The following INTS7 variants were observed in gnomAD, a reference collection of about 807,000 sequenced individuals.
The protein encoded by INTS7 is integrator complex subunit 7, also known as chromosome 1 open reading frame 73.
In INTS7, 46 loss-of-function variants were observed where a neutral mutation model predicts 109.2. The ratio of observed to expected loss-of-function variants is 0.42; its 90% CI spans 0.33 to 0.54. The LOEUF (loss-of-function observed/expected upper bound fraction) is 0.54, where lower values mean the gene tolerates loss of function less well. INTS7 is among the 20% of genes least tolerant of loss of function. The pLI, the probability that INTS7 is intolerant of heterozygous loss-of-function variation, is 0.07. For synonymous variants in INTS7, 412 were observed against 402.9 expected (o/e 1.02, Z -0.27); for missense variants, 929 against 1,132.4 (o/e 0.82, Z 2.58).
chr1:211,973,095 C>T (rs763928871), intron 13 of INTS7, among the ~76,000 whole-genome samples: 12 of 152,144 alleles, frequency 7.9e-5, no homozygotes, highest in Non-Finnish European at 1.5e-4. Context: ...GGACCACAGG[C>T]GCATGCCACC....
intron 7 of INTS7, 94 bp downstream of exon 7, chr1:212,006,542 TAGA>T (rs1296265481): frequency 7.9e-6 from 4 of 508,900 alleles, no homozygotes; most frequent in African/African-American, 2.0e-5. Flanking sequence ...TTCAACCACT[TAGA>T]AGATGACAAA....
chr1:212,027,327 A>C (rs577208913), intron 1 of INTS7, among the ~76,000 whole-genome samples: 6 of 152,328 alleles, frequency 3.9e-5, no homozygotes, highest in African/African-American at 1.4e-4. Context: ...GAGGGGCTAG[A>C]CATTTTATTT....
At chr1:211,965,645 G>A (rs574127431) in intron 16 of INTS7, among the ~76,000 whole-genome samples, 2 of 152,320 alleles carry the variant, frequency 1.3e-5, no homozygotes, top group South Asian at 2.1e-4. Context: ...TCCTTGGCAG[G>A]AAGATGGATG....
At chr1:211,957,943 T>C (rs894730766) in intron 16 of INTS7, among the ~76,000 whole-genome samples, 9 of 152,142 alleles carry the variant, frequency 5.9e-5, no homozygotes, top group Admixed American at 2.6e-4. Context: ...TCAAATGATA[T>C]ACTACTAAAT....
At chr1:211,985,376 A>G (rs914090907) in intron 8 of INTS7, among the ~76,000 whole-genome samples, 1 of 152,190 alleles carries the variant, frequency 6.6e-6, no homozygotes, top group Non-Finnish European at 1.5e-5. Flanking sequence ...TTGAAAAAAC[A>G]TAATAAACGG....
At chr1:212,016,119 G>A (rs1666430562) in intron 4 of INTS7, among the ~76,000 whole-genome samples, 1 of 152,066 alleles carries the variant, frequency 6.6e-6, no homozygotes, top group Non-Finnish European at 1.5e-5. Flanking sequence ...AGAAATTTAG[G>A]TTGCTTCTCA....
At chr1:211,978,127 GCA>G in intron 11 of INTS7, 143 bp downstream of exon 11, 1 of 926,576 alleles carries the variant, frequency 1.1e-6, no homozygotes, top group East Asian at 2.4e-5. Context: ...TTTGACATCA[GCA>G]CACTCTTTGG....
At chr1:211,969,260 G>C (rs1443152305) in intron 13 of INTS7, among the ~76,000 whole-genome samples, 2 of 151,378 alleles carry the variant, frequency 1.3e-5, no homozygotes, top group Non-Finnish European at 2.9e-5. Context: ...ACTCCAGCCT[G>C]GGCGATAGAA....
chr1:212,021,277 A>G, intron 1 of INTS7, 65 bp from the exon 2 acceptor site: 1 of 1,376,426 alleles, frequency 7.3e-7, no homozygotes, highest in Non-Finnish European at 1.0e-6. Flanking sequence ...CAAAGCAAAA[A>G]TAGCAAATAT....
chr1:212,010,591 A>T (rs1374561134), intron 5 of INTS7, among the ~76,000 whole-genome samples: 2 of 152,128 alleles, frequency 1.3e-5, no homozygotes, highest in Non-Finnish European at 2.9e-5. Context: ...CACATGACAG[A>T]CGGTGGTCCC....
Position 211,968,563 on chromosome 1 carries a change from C to A in INTS7, c.1960G>T (p.Ala654Ser). The A allele has an allele frequency of 1.2e-6, 2 of 1,614,076 alleles. No individual in the cohort carries two copies. The highest frequency in any genetic ancestry group is 1.7e-6 in the Non-Finnish European group (2 of 1,180,012). ...TGGAGGTCATTTCCTAAGGTCATGG[C>A]AATTGTTGTGGCAATTGCAGGTGGT... Reference protein sequence around the residue: ...SPPPAIATTIAMTLGNDLQRC... With the variant: ...SPPPAIATTISMTLGNDLQRC... The change falls in exon 14 of 20, where the codon GCC (alanine) becomes TCC (serine). Residue 654 changes from alanine (A) to serine (S), a missense_variant. Ala to Ser is a moderately conservative substitution (Grantham distance 99). Transcript: ENST00000366994.
chr1:211,999,151 G>T (rs540350611), intron 7 of INTS7, among the ~76,000 whole-genome samples: 2 of 152,202 alleles, frequency 1.3e-5, no homozygotes, highest in Non-Finnish European at 2.9e-5. Flanking sequence ...TTAACCAAGA[G>T]ATGTCACACA....
intron 5 of INTS7, 114 bp downstream of exon 5, chr1:212,011,261 A>T: frequency 1.6e-6 from 1 of 624,102 alleles, no homozygotes; most frequent in South Asian, 2.2e-5. Context: ...GAAGATACTT[A>T]ATAAATATTA....
At chr1:211,957,365 G>C (rs1010375864) in intron 16 of INTS7, among the ~76,000 whole-genome samples, 1 of 152,082 alleles carries the variant, frequency 6.6e-6, no homozygotes, top group Non-Finnish European at 1.5e-5. Flanking sequence ...GACCAATATG[G>C]TGAAACCCTG....
intron 16 of INTS7, among the ~76,000 whole-genome samples, chr1:211,965,348 G>A (rs142258887): frequency 2.1e-3 from 313 of 152,290 alleles, no homozygotes; most frequent in African/African-American, 4.7e-3. Flanking sequence ...CACTGTTGGC[G>A]GGAGTGTAAA....
chr1:211,979,579 T>C (rs527902535), intron 10 of INTS7, among the ~76,000 whole-genome samples: 1 of 152,222 alleles, frequency 6.6e-6, no homozygotes, highest in South Asian at 2.1e-4. Flanking sequence ...TTTAAAATTA[T>C]ATTATCTCCT....
At chr1:211,974,272 AAAAAATATATATATAT>A (rs1288779451) in intron 13 of INTS7, among the ~76,000 whole-genome samples, 3 of 62,322 alleles carry the variant, frequency 4.8e-5, no homozygotes, top group East Asian at 1.8e-3. Flanking sequence ...TCCCAGAAAA[AAAAAATATATATATAT>A]ATATATATAT....
intron 12 of INTS7, 95 bp from the exon 13 acceptor site, chr1:211,975,467 C>A: frequency 1.2e-6 from 1 of 862,084 alleles, no homozygotes. Context: ...AAAGAGAAAC[C>A]CAAACCTTGG....
chr1:212,009,949 T>G (rs1258767796), intron 5 of INTS7, among the ~76,000 whole-genome samples: 1 of 152,216 alleles, frequency 6.6e-6, no homozygotes, highest in African/African-American at 2.4e-5. Context: ...GTGAGCAAGT[T>G]CTCTTTAATT....
Sources: allele counts gnomAD v4.1 joint callset (sites outside exome capture counted in the v4.1 genomes callset), GRCh38; gene constraint gnomAD v4.1.1; transcripts MANE v1.5; gene names NCBI Gene and HGNC (gene_info 2026-07-23, HGNC 2026-07-21).